VOPP1: variants seen among roughly 807,000 people sequenced by gnomAD.
The protein encoded by VOPP1 is WW domain binding protein VOPP1.
Under a neutral mutation model 23.5 loss-of-function variants are expected in VOPP1, and 8 were observed. That is an observed-to-expected ratio of 0.34 (90% CI 0.20 to 0.61). The LOEUF (loss-of-function observed/expected upper bound fraction) is 0.61. Ranked by LOEUF, VOPP1 falls within the 20% of genes least tolerant of loss-of-function variation. The pLI is 0.78. For missense variants in VOPP1, 174 were observed against 238.1 expected (o/e 0.73, Z 1.77); for synonymous variants, 83 against 97.3 (o/e 0.85, Z 0.86).
At chr7:55,450,421 G>C (rs1412124884) in intron 4 of VOPP1, among the ~76,000 whole-genome samples, 1 of 152,176 alleles carries the variant, frequency 6.6e-6, no homozygotes, top group African/African-American at 2.4e-5. Flanking sequence ...TCACTCACCA[G>C]CGCTACCAGC....
chr7:55,525,745 G>A (rs1796145866), intron 1 of VOPP1, among the ~76,000 whole-genome samples: 2 of 133,986 alleles, frequency 1.5e-5, no homozygotes, highest in South Asian at 5.0e-4. Flanking sequence ...ACATGTGTAC[G>A]GTATTTAGTT....
chr7:55,570,896 C>T (rs1404033618), intron 1 of VOPP1, among the ~76,000 whole-genome samples: 7 of 151,968 alleles, frequency 4.6e-5, no homozygotes, highest in Non-Finnish European at 5.9e-5. Flanking sequence ...GAGCCAAGAT[C>T]GCGCCACAGC....
chr7:55,549,201 C>A lies in VOPP1; in HGVS notation c.54+23070G>T, dbSNP rs543531605. Among the ~76,000 whole-genome samples the A allele has an allele frequency of 5.3e-5, 8 of 152,272 alleles. No homozygotes were observed. The South Asian group carries it at 1.7e-3, about 32-fold the overall frequency. On this transcript the variant is annotated intron_variant, in intron 1 of 4. Transcript: ENST00000285279. ...GACAGGGGAGATAGGACCAGTTAAT[C>A]ATAAACCACTCCAAAACACTGAAAG...
At chr7:55,440,963 C>T (rs1790950201) in intron 4 of VOPP1, among the ~76,000 whole-genome samples, 1 of 152,218 alleles carries the variant, frequency 6.6e-6, no homozygotes. Flanking sequence ...GCACGGAACA[C>T]ACCCGGATGA....
chr7:55,546,334 G>T (rs767084571), intron 1 of VOPP1, among the ~76,000 whole-genome samples: 1 of 152,204 alleles, frequency 6.6e-6, no homozygotes, highest in Non-Finnish European at 1.5e-5. Context: ...TGTACAAAGA[G>T]AACACTTAAG....
intron 4 of VOPP1, among the ~76,000 whole-genome samples, chr7:55,489,200 T>C (rs1392549529): frequency 2.0e-5 from 3 of 152,234 alleles, no homozygotes; most frequent in African/African-American, 7.2e-5. Flanking sequence ...AGGGAAATGA[T>C]GGAAACTGTA....
chr7:55,457,802 A>ATTTT (rs202233307), intron 4 of VOPP1, among the ~76,000 whole-genome samples: 22 of 148,428 alleles, frequency 1.5e-4, no homozygotes, highest in African/African-American at 5.4e-4. Flanking sequence ...TTTAAAAGGG[A>ATTTT]TTTTTTTTTT....
At position 55,484,112 on chromosome 7, in the gene VOPP1, T is replaced by C. The variant is rs536646783; in HGVS notation, c.328+8170A>G. 1.1e-4 allele frequency among the ~76,000 whole-genome samples: 17 copies of C among 152,362 alleles called. No homozygotes were observed. In the East Asian group the frequency reaches 2.7e-3, roughly 24 times the overall value. ...CACATTCCTCTTCACTGCCATAATA[T>C]AGACTGTGGATGATCTTCCTCTGCC... is the stretch of plus-strand genomic sequence containing the variant. On this transcript the variant is annotated intron_variant, in intron 4 of 4. Coordinates refer to ENST00000285279, the MANE Select transcript of VOPP1 (RefSeq NM_030796.5).
chr7:55,436,301 A>T (rs2128997920), intron 4 of VOPP1: 1 of 152,346 alleles, frequency 6.6e-6, no homozygotes, highest in South Asian at 2.1e-4. Context: ...CCCTGTGGGA[A>T]CTTGGTCAAG....
rs1794062371 is a variant in VOPP1, at chr7:55,497,629, T to C, written c.175A>G (p.Arg59Gly). 6.2e-7 allele frequency: 1 copy of C among 1,601,342 alleles called. No homozygotes were observed. The highest frequency in any genetic ancestry group is 1.7e-5 in the Admixed American group (1 of 59,066). ...RCCVRALSIQ[R>G]LWYFWFLLMM... ...GTGACCTACCAGAAGTACCACAGCC[T>C]CTGTATGGAGAGGGCCCGCACACAG... is the stretch of plus-strand genomic sequence containing the variant. Residue 59 changes from arginine (R) to glycine (G), a missense_variant, in exon 3 of 5, where the codon AGG becomes GGG. By Grantham distance (125) the Arg-to-Gly change is moderately radical (BLOSUM62 -2). Coordinates refer to ENST00000285279, the MANE Select transcript of VOPP1 (RefSeq NM_030796.5).
intron 1 of VOPP1, chr7:55,521,815 C>T (rs1450596114): frequency 1.0e-6 from 1 of 983,892 alleles, no homozygotes; most frequent in Non-Finnish European, 1.2e-6. Flanking sequence ...GAGGCTCTCA[C>T]AAACCTCCAG....
intron 2 of VOPP1, among the ~76,000 whole-genome samples, chr7:55,511,004 G>A (rs1453952617): frequency 1.3e-5 from 2 of 152,068 alleles, no homozygotes; most frequent in African/African-American, 2.4e-5. Context: ...ACTGTTAGAG[G>A]CCTCTGTCTT....
intron 1 of VOPP1, chr7:55,553,766 C>T (rs1797708033): frequency 3.5e-5 from 1 of 28,592 alleles, no homozygotes; most frequent in African/African-American, 5.8e-5. Flanking sequence ...TACACACACA[C>T]ACACACACAC....
At chr7:55,436,655 TGTGCGTGTGTGC>T (rs956708473) in intron 4 of VOPP1, among the ~76,000 whole-genome samples, 1 of 149,376 alleles carries the variant, frequency 6.7e-6, no homozygotes, top group Admixed American at 6.6e-5. Context: ...CGTGGGTGTG[TGTGCGTGTGTGC>T]GTGCGTGTGC....
chr7:55,527,335 A>G (rs982968256), intron 1 of VOPP1, among the ~76,000 whole-genome samples: 1 of 152,188 alleles, frequency 6.6e-6, no homozygotes, highest in Non-Finnish European at 1.5e-5. Flanking sequence ...CACAAGCACC[A>G]TTTCTTAGAG....
At position 55,471,999 on chromosome 7, in the gene VOPP1, G is replaced by C. The variant is rs1186735646; in HGVS notation, c.*856C>G. 1 of 152,324 alleles carries C rather than the reference G, an allele frequency of 6.6e-6. No homozygotes were observed. Among genetic ancestry groups the C allele is most frequent in the African/African-American group, 2.4e-5 (1 of 41,444 alleles). 9.4% of individuals were successfully genotyped at this position (152,324 alleles called of 1,614,324 possible). A position where few individuals can be genotyped will look rare whatever the true frequency, so the allele number is the denominator to read the frequency against. On this transcript the variant is annotated 3_prime_UTR_variant, in exon 5 of 5. Coordinates refer to ENST00000285279, the MANE Select transcript of VOPP1 (RefSeq NM_030796.5). ...TGCCCTGGAGAGGCAGTGATGTCCAGGGAAGACACACACCCAGTCTGATTT... is the reference window on the plus strand; with the variant it reads ...TGCCCTGGAGAGGCAGTGATGTCCACGGAAGACACACACCCAGTCTGATTT...
chr7:55,552,967 C>A, intron 1 of VOPP1: 2 of 503,114 alleles, frequency 4.0e-6, no homozygotes, highest in Non-Finnish European at 6.4e-6. Context: ...AAAAGACATG[C>A]AACCGAAATC....
rs369716495 is a variant in VOPP1, at chr7:55,507,841, C to T, written c.114-10151G>A. On this transcript the variant is annotated intron_variant, in intron 2 of 4. Transcript: ENST00000285279. ...TTTATTTGGTCAACACATCCCATGGCGAAGTCAAACATCTCTGGGTTCTAA... is the reference window on the plus strand; with the variant it reads ...TTTATTTGGTCAACACATCCCATGGTGAAGTCAAACATCTCTGGGTTCTAA... 2.6e-5 allele frequency among the ~76,000 whole-genome samples: 4 copies of T among 152,124 alleles called. No homozygotes were observed. In the East Asian group the frequency reaches 5.8e-4, roughly 22 times the overall value.
Position 55,449,190 on chromosome 7 carries a change from C to A in VOPP1, n.418-13016G>T, listed in dbSNP as rs766426338. Among the ~76,000 whole-genome samples, 12 of 152,340 alleles carry A rather than the reference C, an allele frequency of 7.9e-5. No individual in the cohort carries two copies. The South Asian group carries it at 1.2e-3, about 16-fold the overall frequency. On this transcript the variant is annotated intron_variant and non_coding_transcript_variant, in intron 4 of 4. Transcript: ENST00000462326. ...GCTTGGCAGGTGTCCGCTCCCGGAG[C>A]GCCGCGGGTCCCCTGCTCCTGTCGG...
Sources: gnomAD v4.1 joint callset for allele counts (sites outside exome capture counted in the v4.1 genomes callset) on GRCh38, gnomAD v4.1.1 for gene constraint, MANE v1.5 for transcripts, NCBI Gene and HGNC (gene_info 2026-07-23, HGNC 2026-07-21) for gene names.